Variants in CCSER1 observed in about 807,000 individuals in gnomAD.
The protein encoded by CCSER1 is coiled-coil serine rich protein 1, also known as serine-rich coiled-coil domain-containing protein 1.
In CCSER1, 41 loss-of-function variants were observed where a neutral mutation model predicts 82.0. The ratio of observed to expected loss-of-function variants is 0.50; its 90% CI spans 0.39 to 0.65. The LOEUF (loss-of-function observed/expected upper bound fraction) is 0.65, where lower values mean the gene tolerates loss of function less well. Ranked by LOEUF, CCSER1 falls within the 30% of genes least tolerant of loss-of-function variation. The probability of loss-of-function intolerance (pLI) is 0.00; values close to 1 mark genes in which losing one functional copy is unlikely to be tolerated. For synonymous variants in CCSER1, 414 were observed against 383.9 expected (o/e 1.08, Z -0.92); for missense variants, 1,119 against 1,064.2 (o/e 1.05, Z -0.72).
At chr4:90,766,655 A>C (rs1359202349) in intron 7 of CCSER1, among the ~76,000 whole-genome samples, 2 of 152,126 alleles carry the variant, frequency 1.3e-5, no homozygotes, top group Non-Finnish European at 2.9e-5. Flanking sequence ...AAAAATATAT[A>C]TATAAGCAAA....
chr4:90,711,721 ATT>A (rs112790209), intron 6 of CCSER1, among the ~76,000 whole-genome samples: 12 of 141,982 alleles, frequency 8.5e-5, no homozygotes, highest in African/African-American at 2.6e-4. Context: ...GTCCTGCTGG[ATT>A]TTTTTTTTTT....
At chr4:90,291,683 T>G (rs1183605688) in intron 1 of CCSER1, among the ~76,000 whole-genome samples, 3 of 152,008 alleles carry the variant, frequency 2.0e-5, no homozygotes, top group African/African-American at 7.2e-5. Context: ...TGTATCTCCT[T>G]TATTATAATC....
intron 8 of CCSER1, among the ~76,000 whole-genome samples, chr4:90,818,389 T>G (rs554215466): frequency 2.0e-5 from 3 of 152,028 alleles, no homozygotes; most frequent in South Asian, 2.1e-4. Flanking sequence ...GCGATTCTCT[T>G]GCCTCAGCCT....
At chr4:91,234,045 A>T (rs1738822302) in intron 10 of CCSER1, among the ~76,000 whole-genome samples, 1 of 152,020 alleles carries the variant, frequency 6.6e-6, no homozygotes, top group Admixed American at 6.6e-5. Flanking sequence ...ATTTCCCAAC[A>T]GTAGACAAAA....
At chr4:90,143,752 A>G (rs1725273960) in intron 1 of CCSER1, among the ~76,000 whole-genome samples, 1 of 147,840 alleles carries the variant, frequency 6.8e-6, no homozygotes, top group South Asian at 2.1e-4. Context: ...TGGTGTGATC[A>G]TAGCTCACTG....
At chr4:91,442,934 C>T (rs1334687171) in intron 10 of CCSER1, among the ~76,000 whole-genome samples, 1 of 152,196 alleles carries the variant, frequency 6.6e-6, no homozygotes, top group Non-Finnish European at 1.5e-5. Context: ...TACCATCTCA[C>T]ACCAGTTAGA....
chr4:90,666,099 C>T (rs1415340378), intron 6 of CCSER1, among the ~76,000 whole-genome samples: 1 of 152,022 alleles, frequency 6.6e-6, no homozygotes, highest in Non-Finnish European at 1.5e-5. Flanking sequence ...TCTTTTTCAC[C>T]TATCATATCT....
At chr4:90,799,659 T>C (rs958226230) in intron 7 of CCSER1, among the ~76,000 whole-genome samples, 1 of 152,140 alleles carries the variant, frequency 6.6e-6, no homozygotes, top group African/African-American at 2.4e-5. Context: ...CAAAACTGCC[T>C]GACAGAGTTC....
chr4:91,311,617 T>C (rs1005941441), intron 10 of CCSER1, among the ~76,000 whole-genome samples: 3 of 151,962 alleles, frequency 2.0e-5, no homozygotes, highest in African/African-American at 7.2e-5. Flanking sequence ...TCACCCTTAG[T>C]AGCTGTCTGT....
intron 4 of CCSER1, among the ~76,000 whole-genome samples, chr4:90,427,516 C>T (rs1314874296): frequency 6.6e-6 from 1 of 151,370 alleles, no homozygotes; most frequent in East Asian, 1.9e-4. Flanking sequence ...TAATATACTA[C>T]AAGGCCCTTC....
At chr4:90,896,621 A>T (rs62312271) in intron 8 of CCSER1, among the ~76,000 whole-genome samples, 1 of 151,896 alleles carries the variant, frequency 6.6e-6, no homozygotes, top group African/African-American at 2.4e-5. Flanking sequence ...ACCTGAAATA[A>T]CATAGTATGT....
At chr4:91,550,386 C>CAAT (rs1339836607) in intron 10 of CCSER1, among the ~76,000 whole-genome samples, 2 of 152,128 alleles carry the variant, frequency 1.3e-5, no homozygotes, top group African/African-American at 4.8e-5. Flanking sequence ...AGCAATTCAT[C>CAAT]AATTACAGTT....
At chr4:90,845,378 A>AG (rs1324427704) in intron 8 of CCSER1, among the ~76,000 whole-genome samples, 6 of 151,760 alleles carry the variant, frequency 4.0e-5, no homozygotes, top group African/African-American at 1.5e-4. Context: ...AAAAAAAAAA[A>AG]AAGAATATTT....
intron 6 of CCSER1, among the ~76,000 whole-genome samples, chr4:90,651,680 A>G (rs1456096545): frequency 5.6e-5 from 6 of 107,820 alleles, no homozygotes; most frequent in African/African-American, 1.9e-4. Flanking sequence ...CAGAACTTAA[A>G]GTATAATTAA....
chr4:91,443,869 C>T (rs1185706033), intron 10 of CCSER1, among the ~76,000 whole-genome samples: 1 of 150,962 alleles, frequency 6.6e-6, no homozygotes, highest in African/African-American at 2.4e-5. Flanking sequence ...TTTATTTGTC[C>T]AAATACTTGA....
intron 9 of CCSER1, among the ~76,000 whole-genome samples, chr4:91,022,631 G>T (rs868418799): frequency 6.6e-6 from 1 of 152,146 alleles, no homozygotes. Flanking sequence ...CACCAACAGC[G>T]TAAAAGTGTT....
chr4:91,385,847 C>T (rs749748626), intron 10 of CCSER1, among the ~76,000 whole-genome samples: 3 of 151,726 alleles, frequency 2.0e-5, no homozygotes, highest in Non-Finnish European at 4.4e-5. Flanking sequence ...GGGAAAACCC[C>T]ATGAGATAGA....
At chr4:90,914,181 C>T (rs939185557) in intron 8 of CCSER1, among the ~76,000 whole-genome samples, 1 of 152,196 alleles carries the variant, frequency 6.6e-6, no homozygotes, top group Non-Finnish European at 1.5e-5. Flanking sequence ...CCCAAATCAA[C>T]AGAATATACA....
intron 10 of CCSER1, among the ~76,000 whole-genome samples, chr4:91,511,009 G>A (rs1759788247): frequency 6.6e-6 from 1 of 152,086 alleles, no homozygotes; most frequent in African/African-American, 2.4e-5. Context: ...TTTGTATATG[G>A]CGATAAAAAA....
Sources: allele counts gnomAD v4.1 joint callset (sites outside exome capture counted in the v4.1 genomes callset), GRCh38; gene constraint gnomAD v4.1.1; transcripts MANE v1.5; gene names NCBI Gene and HGNC (gene_info 2026-07-23, HGNC 2026-07-21).